The following RALYL variants were observed in gnomAD, a reference collection of about 807,000 sequenced individuals.
RALYL encodes the protein RALY RNA binding protein like.
Under a neutral mutation model 35.1 loss-of-function variants are expected in RALYL, and 29 were observed. That is an observed-to-expected ratio of 0.83 (90% CI 0.61 to 1.13). The LOEUF (loss-of-function observed/expected upper bound fraction) is 1.13, where lower values mean the gene tolerates loss of function less well. Ranked by LOEUF, RALYL falls within the 50% of genes most tolerant of loss-of-function variation. The pLI is 0.00. For missense variants in RALYL, 359 were observed against 360.4 expected, an observed-to-expected ratio of 1.00 and a Z score of 0.03; for synonymous variants, 120 against 127.6, an observed-to-expected ratio of 0.94 and a Z score of 0.40.
At chr8:84,730,222 G>C (rs1408990372) in intron 2 of RALYL, among the ~76,000 whole-genome samples, 2 of 151,828 alleles carry the variant, frequency 1.3e-5, no homozygotes, top group African/African-American at 4.8e-5. Flanking sequence ...ATGCAAGGCT[G>C]GTTCAATATA....
At chr8:84,193,477 G>T (rs1814486810) in intron 1 of RALYL, among the ~76,000 whole-genome samples, 1 of 152,168 alleles carries the variant, frequency 6.6e-6, no homozygotes, top group African/African-American at 2.4e-5. Context: ...TTATTTAACA[G>T]ATATTTCTTG....
intron 1 of RALYL, among the ~76,000 whole-genome samples, chr8:84,274,935 A>C (rs2131996784): frequency 6.6e-6 from 1 of 152,172 alleles, no homozygotes; most frequent in South Asian, 2.1e-4. Context: ...CTGATTTGTC[A>C]GGTTTGGGTC....
chr8:84,717,241 A>C (rs746781572), intron 2 of RALYL, among the ~76,000 whole-genome samples: 6 of 152,268 alleles, frequency 3.9e-5, no homozygotes, highest in East Asian at 3.9e-4. Context: ...GTCTCTGAAA[A>C]TGGGTCCCTG....
chr8:84,309,891 A>C (rs1842449605), intron 1 of RALYL, among the ~76,000 whole-genome samples: 1 of 151,892 alleles, frequency 6.6e-6, no homozygotes, highest in African/African-American at 2.4e-5. Flanking sequence ...CGACCGGCTA[A>C]TTTCTGTATT....
intron 2 of RALYL, among the ~76,000 whole-genome samples, chr8:84,619,754 G>A (rs1020117675): frequency 2.0e-5 from 3 of 151,536 alleles, no homozygotes; most frequent in Non-Finnish European, 4.4e-5. Context: ...TCCATGTTTA[G>A]CGCTTCCTTC....
At chr8:84,425,193 A>G (rs1365908892) in intron 1 of RALYL, among the ~76,000 whole-genome samples, 3 of 152,028 alleles carry the variant, frequency 2.0e-5, no homozygotes, top group African/African-American at 7.2e-5. Context: ...TGTGCTAGCA[A>G]TCAGCGAGAT....
At chr8:84,419,708 C>G (rs1411062622) in intron 1 of RALYL, among the ~76,000 whole-genome samples, 1 of 123,138 alleles carries the variant, frequency 8.1e-6, no homozygotes, top group Non-Finnish European at 1.6e-5. Context: ...CCCCCCACCC[C>G]ACAACAGTCC....
intron 3 of RALYL, among the ~76,000 whole-genome samples, chr8:84,790,112 A>G (rs1238595224): frequency 6.6e-6 from 1 of 152,200 alleles, no homozygotes; most frequent in Non-Finnish European, 1.5e-5. Flanking sequence ...GGAGCCAGTC[A>G]GTGTGTTACA....
At chr8:84,527,330 T>C (rs900391321) in intron 1 of RALYL, among the ~76,000 whole-genome samples, 1 of 152,198 alleles carries the variant, frequency 6.6e-6, no homozygotes, top group African/African-American at 2.4e-5. Context: ...AGTACAGCTG[T>C]ACCCTCGAAT....
chr8:84,580,156 T>C (rs1338435328), intron 2 of RALYL, among the ~76,000 whole-genome samples: 1 of 152,176 alleles, frequency 6.6e-6, no homozygotes, highest in Non-Finnish European at 1.5e-5. Context: ...ATTGGGATAG[T>C]TTTTATCTTC....
intron 2 of RALYL, among the ~76,000 whole-genome samples, chr8:84,759,379 A>G (rs1812163046): frequency 6.6e-6 from 1 of 152,104 alleles, no homozygotes; most frequent in Non-Finnish European, 1.5e-5. Flanking sequence ...CCAAATACAC[A>G]CACTCAAGGT....
chr8:84,245,641 T>C lies in RALYL; in HGVS notation c.-24+61217T>C, dbSNP rs781696122. The stretch of plus-strand genomic sequence containing the variant: ...ATATGACTTATCACATCTAAGATGC[T>C]TGAATAGTTTTGGATAGCATATATT... On this transcript the variant is annotated intron_variant, in intron 1 of 8. Coordinates refer to ENST00000521268, the MANE Select transcript of RALYL (RefSeq NM_173848.7). Among the ~76,000 whole-genome samples, 72 of 152,162 alleles carry C rather than the reference T, an allele frequency of 4.7e-4. 1 individual carries two copies. The highest frequency in any genetic ancestry group is 3.1e-3 in the Admixed American group (48 of 15,262).
intron 2 of RALYL, among the ~76,000 whole-genome samples, chr8:84,567,929 G>A (rs2061899452): frequency 6.6e-6 from 1 of 151,342 alleles, no homozygotes; most frequent in Non-Finnish European, 1.5e-5. Flanking sequence ...ACTTCAGTAT[G>A]GTTTTAATTT....
At chr8:84,216,275 A>G (rs1820792717) in intron 1 of RALYL, among the ~76,000 whole-genome samples, 1 of 152,144 alleles carries the variant, frequency 6.6e-6, no homozygotes, top group Non-Finnish European at 1.5e-5. Context: ...GTTAACAGAA[A>G]AAAATGGACA....
chr8:84,874,793 G>A (rs1840824330), intron 7 of RALYL, among the ~76,000 whole-genome samples: 1 of 152,214 alleles, frequency 6.6e-6, no homozygotes, highest in South Asian at 2.1e-4. Context: ...GCCTCACATG[G>A]TGAGTAATGA....
chr8:84,873,076 C>G (rs955155797), intron 6 of RALYL: 1 of 410,570 alleles, frequency 2.4e-6, no homozygotes, highest in South Asian at 8.4e-5. Flanking sequence ...ATTAAACGCT[C>G]ATGTCACTGA....
intron 1 of RALYL, among the ~76,000 whole-genome samples, chr8:84,523,457 A>C (rs575678927): frequency 1.3e-5 from 2 of 151,978 alleles, no homozygotes; most frequent in Non-Finnish European, 2.9e-5. Context: ...CACAAGGACA[A>C]TCCATATCAC....
At chr8:84,855,417 C>A (rs1361540196) in intron 5 of RALYL, among the ~76,000 whole-genome samples, 2 of 152,196 alleles carry the variant, frequency 1.3e-5, no homozygotes, top group African/African-American at 2.4e-5. Flanking sequence ...TAGAAAACTT[C>A]TTTACACAAT....
chr8:84,339,445 A>G (rs1397944659), intron 1 of RALYL, among the ~76,000 whole-genome samples: 1 of 151,926 alleles, frequency 6.6e-6, no homozygotes, highest in Non-Finnish European at 1.5e-5. Context: ...ACTCCTTATG[A>G]AAATCTAATG....
Sources: gnomAD v4.1 joint callset for allele counts (sites outside exome capture counted in the v4.1 genomes callset) on GRCh38, gnomAD v4.1.1 for gene constraint, MANE v1.5 for transcripts, NCBI Gene and HGNC (gene_info 2026-07-23, HGNC 2026-07-21) for gene names.